IL33: variants seen among roughly 807,000 people sequenced by gnomAD.
The protein encoded by IL33 is interleukin 33, also known as interleukin-33.
IL33 carries 37 observed loss-of-function variants against 27.3 expected under a neutral mutation model. The ratio of observed to expected loss-of-function variants is 1.36; its 90% confidence interval spans 1.04 to 1.78. The LOEUF (loss-of-function observed/expected upper bound fraction) is 1.78, where lower values mean the gene tolerates loss of function less well. Among genes scored for constraint, IL33 ranks in the 40% most tolerant of loss-of-function variants. IL33 has a pLI of 0.00. For synonymous variants in IL33, 132 were observed against 102.9 expected (o/e 1.28, Z -1.71); for missense variants, 406 against 311.4 (o/e 1.30, Z -2.29).
chr9:6,232,568 T>A (rs1012264205), intron 1 of IL33, among the ~76,000 whole-genome samples: 1 of 152,148 alleles, frequency 6.6e-6, no homozygotes, highest in Non-Finnish European at 1.5e-5. Context: ...TATGATTATC[T>A]AAAATGTGAC....
chr9:6,233,627 A>G (rs1199780527), intron 1 of IL33, among the ~76,000 whole-genome samples: 1 of 152,198 alleles, frequency 6.6e-6, no homozygotes, highest in African/African-American at 2.4e-5. Flanking sequence ...AGCGCTGAAA[A>G]TATATCTTCT....
chr9:6,256,703 A>T lies in IL33; in HGVS notation c.*535A>T. 1 of 189,140 alleles carries T rather than the reference A, an allele frequency of 5.3e-6. No homozygotes were observed. The highest frequency in any genetic ancestry group is 1.1e-5 in the Non-Finnish European group (1 of 93,274). 11.7% of individuals were successfully genotyped at this position (189,140 alleles called of 1,614,324 possible). ...TTTGTTTGTAGATGTCTTAGGCAAC[A>T]CTCAGAGCAGATCTCCCTTACTGTC... On this transcript the variant is annotated 3_prime_UTR_variant, in exon 8 of 8. Transcript: ENST00000682010.
intron 1 of IL33, among the ~76,000 whole-genome samples, chr9:6,224,429 C>G (rs1818545837): frequency 6.6e-6 from 1 of 152,152 alleles, no homozygotes; most frequent in Admixed American, 6.5e-5. Context: ...AAAGCTTTGC[C>G]ATCTGAAAAT....
In IL33 at chr9:6,256,811, G is replaced by A. The variant is rs1816758167; in HGVS notation, c.*643G>A. 6.5e-6 allele frequency: 1 copy of A among 153,172 alleles called. No individual in the cohort carries two copies. Among genetic ancestry groups the A allele is most frequent in the Non-Finnish European group, 1.5e-5 (1 of 68,770 alleles). 9.5% of individuals were successfully genotyped at this position (153,172 alleles called of 1,614,324 possible). A position where few individuals can be genotyped will look rare whatever the true frequency, so the allele number is the denominator to read the frequency against. ...AAAGTAAAGATAACTAAAAAATTTA[G>A]AAAAATAAATCCAGTATTTGTAAAG... is the stretch of plus-strand genomic sequence containing the variant. On this transcript the variant is annotated 3_prime_UTR_variant, in exon 8 of 8. Transcript: ENST00000682010.
At chr9:6,225,811 C>G (rs1818598789) in intron 1 of IL33, among the ~76,000 whole-genome samples, 1 of 152,086 alleles carries the variant, frequency 6.6e-6, no homozygotes, top group South Asian at 2.1e-4. Context: ...TAGCCTGGAC[C>G]TCCCTAGCTC....
At chr9:6,216,925 A>C (rs1818171679) in intron 1 of IL33, among the ~76,000 whole-genome samples, 1 of 152,214 alleles carries the variant, frequency 6.6e-6, no homozygotes. Flanking sequence ...ATGGCATGGC[A>C]GTGAAGAGTT....
At chr9:6,217,349 G>T (rs931178136) in intron 1 of IL33, among the ~76,000 whole-genome samples, 7 of 152,036 alleles carry the variant, frequency 4.6e-5, no homozygotes, top group Non-Finnish European at 7.4e-5. Flanking sequence ...CTCCTAACTT[G>T]GTGGTCTTTC....
chr9:6,249,531 C>T (rs1263031074), intron 2 of IL33, among the ~76,000 whole-genome samples: 1 of 152,050 alleles, frequency 6.6e-6, no homozygotes, highest in Non-Finnish European at 1.5e-5. Context: ...CTTTTTGAGA[C>T]TTAGATTTTT....
chr9:6,221,439 T>A (rs1755538985), intron 1 of IL33, among the ~76,000 whole-genome samples: 1 of 152,234 alleles, frequency 6.6e-6, no homozygotes, highest in Admixed American at 6.5e-5. Flanking sequence ...CTTTCCATTA[T>A]GTCAAGTGGA....
chr9:6,217,861 A>T, intron 1 of IL33, among the ~76,000 whole-genome samples: 1 of 151,950 alleles, frequency 6.6e-6, no homozygotes, highest in South Asian at 2.1e-4. Context: ...CTTGAGAGTG[A>T]AGTGTCTAGG....
At chr9:6,240,163 A>G (rs922738302) in intron 1 of IL33, among the ~76,000 whole-genome samples, 4 of 152,212 alleles carry the variant, frequency 2.6e-5, no homozygotes, top group African/African-American at 9.6e-5. Flanking sequence ...TGAGCCAAAT[A>G]TGAGTGACCA....
chr9:6,228,256 A>C (rs1431926738), intron 1 of IL33, among the ~76,000 whole-genome samples: 1 of 151,034 alleles, frequency 6.6e-6, no homozygotes, highest in Non-Finnish European at 1.5e-5. Context: ...TCAAGGTTGC[A>C]ATCAGCTGTG....
intron 2 of IL33, among the ~76,000 whole-genome samples, chr9:6,247,561 G>T (rs1242213233): frequency 6.6e-6 from 1 of 152,136 alleles, no homozygotes; most frequent in Non-Finnish European, 1.5e-5. Context: ...CTGCTGTTAT[G>T]ATTAAATTAG....
chr9:6,233,535 C>T (rs573290574), intron 1 of IL33, among the ~76,000 whole-genome samples: 1 of 152,294 alleles, frequency 6.6e-6, no homozygotes, highest in African/African-American at 2.4e-5. Flanking sequence ...GAGTCTATCA[C>T]ATCCCAATAT....
At chr9:6,250,436 T>A in intron 2 of IL33, 38 bp from the exon 3 acceptor site, 1 of 1,604,546 alleles carries the variant, frequency 6.2e-7, no homozygotes, top group African/African-American at 1.3e-5. Flanking sequence ...TAAAGATGAA[T>A]GGAATGAAAC....
chr9:6,248,770 G>T (rs894348804), intron 2 of IL33, among the ~76,000 whole-genome samples: 3 of 151,422 alleles, frequency 2.0e-5, no homozygotes, highest in African/African-American at 7.3e-5. Context: ...TTGTAGAGAC[G>T]GTCTTACTGT....
At chr9:6,238,543 G>A (rs2130285070) in intron 1 of IL33, among the ~76,000 whole-genome samples, 1 of 152,284 alleles carries the variant, frequency 6.6e-6, no homozygotes, top group East Asian at 1.9e-4. Context: ...AGCCTCCAGA[G>A]GTTTGTCCAG....
chr9:6,246,595 C>G (rs1819873464), intron 2 of IL33, among the ~76,000 whole-genome samples: 1 of 151,924 alleles, frequency 6.6e-6, no homozygotes, highest in African/African-American at 2.4e-5. Flanking sequence ...AGAGGTGGGA[C>G]CTTTAAGGGG....
At chr9:6,226,289 A>G (rs10815381) in intron 1 of IL33, among the ~76,000 whole-genome samples, 37,011 of 151,828 alleles carry the variant, frequency 0.24, 4,811 homozygotes, top group East Asian at 0.44. Context: ...TGCTGGGACT[A>G]TAAGGCTTGA....
Sources: allele counts gnomAD v4.1 joint callset (sites outside exome capture counted in the v4.1 genomes callset), GRCh38; gene constraint gnomAD v4.1.1; transcripts MANE v1.5; gene names NCBI Gene and HGNC (gene_info 2026-07-23, HGNC 2026-07-21).